The following FBXL17 variants were observed in gnomAD, a reference collection of about 807,000 sequenced individuals.
FBXL17 encodes the protein F-box/LRR-repeat protein 17.
Under a neutral mutation model 66.2 loss-of-function variants are expected in FBXL17, and 22 were observed. The ratio of observed to expected loss-of-function variants is 0.33; its 90% CI spans 0.24 to 0.47. FBXL17 has a LOEUF of 0.47. FBXL17 is among the 20% of genes least tolerant of loss of function. The pLI is 1.00. For missense variants in FBXL17, 878 were observed against 948.2 expected, an observed-to-expected ratio of 0.93 and a Z score of 0.97; for synonymous variants, 474 against 400.5, an observed-to-expected ratio of 1.18 and a Z score of -2.19.
At chr5:108,247,274 G>C (rs556779937) in intron 4 of FBXL17, among the ~76,000 whole-genome samples, 2 of 152,190 alleles carry the variant, frequency 1.3e-5, no homozygotes, top group African/African-American at 2.4e-5. Flanking sequence ...TACAAAAGGA[G>C]AGCCTTTCCA....
At chr5:108,041,676 A>G (rs947660616) in intron 6 of FBXL17, among the ~76,000 whole-genome samples, 5 of 152,090 alleles carry the variant, frequency 3.3e-5, no homozygotes, top group African/African-American at 1.2e-4. Context: ...CCTGGGCCTC[A>G]CAAAGTGCTG....
chr5:108,374,943 A>T (rs1473783700), intron 1 of FBXL17, among the ~76,000 whole-genome samples: 3 of 152,266 alleles, frequency 2.0e-5, no homozygotes, highest in Middle Eastern at 3.4e-3. Context: ...TCAAGAAACT[A>T]TAAAAAGAAA....
At chr5:107,979,791 C>T (rs1045390118) in intron 7 of FBXL17, among the ~76,000 whole-genome samples, 1 of 152,128 alleles carries the variant, frequency 6.6e-6, no homozygotes, top group Non-Finnish European at 1.5e-5. Context: ...CTTCAGAGAA[C>T]ATCAATTTTA....
chr5:107,961,597 C>G (rs1353095916), intron 7 of FBXL17, among the ~76,000 whole-genome samples: 2 of 151,946 alleles, frequency 1.3e-5, no homozygotes, highest in African/African-American at 4.8e-5. Context: ...GGGCAAGGGG[C>G]AAGGACAGAA....
chr5:108,212,088 T>C (rs1478928160), intron 5 of FBXL17, among the ~76,000 whole-genome samples: 1 of 152,244 alleles, frequency 6.6e-6, no homozygotes, highest in Non-Finnish European at 1.5e-5. Flanking sequence ...CTTCAATCAA[T>C]GATATCCTTT....
At chr5:107,880,378 A>T (rs146776567) in intron 8 of FBXL17, 236 of 985,828 alleles carry the variant, frequency 2.4e-4, no homozygotes, top group South Asian at 1.5e-3. Context: ...GATTTTTATT[A>T]TCTGTTTTCT....
At chr5:108,057,641 G>A (rs1285110564) in intron 6 of FBXL17, among the ~76,000 whole-genome samples, 1 of 152,146 alleles carries the variant, frequency 6.6e-6, no homozygotes, top group East Asian at 1.9e-4. Flanking sequence ...GAAAGAACTT[G>A]TATACAAATG....
intron 6 of FBXL17, among the ~76,000 whole-genome samples, chr5:108,143,574 C>T (rs1161032312): frequency 6.6e-6 from 1 of 151,966 alleles, no homozygotes; most frequent in African/African-American, 2.4e-5. Context: ...TAAAATTCCC[C>T]CACCTTCTTT....
chr5:107,936,150 AT>A (rs1221610186), intron 7 of FBXL17, among the ~76,000 whole-genome samples: 11 of 49,620 alleles, frequency 2.2e-4, no homozygotes, highest in Admixed American at 1.6e-3. Context: ...CTAAAGTTGT[AT>A]TGATAGTTTC....
At chr5:108,366,804 A>C (rs1055304103) in intron 2 of FBXL17, among the ~76,000 whole-genome samples, 1 of 152,126 alleles carries the variant, frequency 6.6e-6, no homozygotes, top group Non-Finnish European at 1.5e-5. Context: ...AATGAAGGAG[A>C]AAAACAGAAA....
chr5:108,049,408 C>T (rs1251417134), intron 6 of FBXL17, among the ~76,000 whole-genome samples: 1 of 152,002 alleles, frequency 6.6e-6, no homozygotes, highest in Non-Finnish European at 1.5e-5. Flanking sequence ...GGATCACAGG[C>T]GTTAGCCACT....
intron 4 of FBXL17, among the ~76,000 whole-genome samples, chr5:108,271,954 A>C (rs1409594508): frequency 1.3e-5 from 2 of 152,200 alleles, no homozygotes; most frequent in Non-Finnish European, 2.9e-5. Flanking sequence ...GTGGTAATGA[A>C]GACTAAATGA....
chr5:107,915,372 G>A (rs1373030286), intron 7 of FBXL17, among the ~76,000 whole-genome samples: 1 of 152,122 alleles, frequency 6.6e-6, no homozygotes. Context: ...AAAAAGAACC[G>A]TAGTTAATAT....
At chr5:108,260,891 A>C (rs1756790690) in intron 4 of FBXL17, among the ~76,000 whole-genome samples, 1 of 152,160 alleles carries the variant, frequency 6.6e-6, no homozygotes, top group Non-Finnish European at 1.5e-5. Flanking sequence ...TAACTGAAAA[A>C]TCTGCGATCC....
intron 7 of FBXL17, among the ~76,000 whole-genome samples, chr5:107,990,792 C>A (rs183215133): frequency 6.6e-6 from 1 of 152,114 alleles, no homozygotes; most frequent in Non-Finnish European, 1.5e-5. Flanking sequence ...AGGTCCCTGT[C>A]CCCAGGGAAC....
In FBXL17 at chr5:108,026,679, T is replaced by C. The variant is rs540868977; in HGVS notation, c.1746-5678A>G. Among the ~76,000 whole-genome samples, 3 of 152,306 alleles carry C rather than the reference T, an allele frequency of 2.0e-5. No individual in the cohort carries two copies. The South Asian group carries it at 6.2e-4, about 32-fold the overall frequency. ...AACAACAATTATCTCCGGACACTCA[T>C]TAAGTTCTCACTACCAAATGTTATT... On this transcript the variant is annotated intron_variant, in intron 6 of 8. Coordinates refer to ENST00000542267, the MANE Select transcript of FBXL17 (RefSeq NM_001163315.3).
intron 7 of FBXL17, among the ~76,000 whole-genome samples, chr5:107,949,873 C>A (rs1223630823): frequency 2.0e-4 from 30 of 152,112 alleles, no homozygotes; most frequent in Non-Finnish European, 2.9e-5. Flanking sequence ...GAGCGAAATC[C>A]AAGCTGCTTG....
intron 6 of FBXL17, among the ~76,000 whole-genome samples, chr5:108,062,960 A>G (rs1019644192): frequency 1.3e-5 from 2 of 152,156 alleles, no homozygotes; most frequent in Non-Finnish European, 2.9e-5. Context: ...TATGAGTATT[A>G]GTGCAGTTGC....
intron 7 of FBXL17, among the ~76,000 whole-genome samples, chr5:107,989,931 C>T (rs1753173389): frequency 6.6e-6 from 1 of 152,112 alleles, no homozygotes; most frequent in Admixed American, 6.5e-5. Context: ...AAAGGACCAC[C>T]ACTGCTGGGC....
Sources: gnomAD v4.1 joint callset for allele counts (sites outside exome capture counted in the v4.1 genomes callset) on GRCh38, gnomAD v4.1.1 for gene constraint, MANE v1.5 for transcripts, NCBI Gene and HGNC (gene_info 2026-07-23, HGNC 2026-07-21) for gene names.